SWT1: variants seen among roughly 807,000 people sequenced by gnomAD.
SWT1 encodes the protein transcriptional protein SWT1.
SWT1 carries 33 observed loss-of-function variants against 107.3 expected under a neutral mutation model. That is an observed-to-expected ratio of 0.31 (90% confidence interval 0.23 to 0.41). The LOEUF (loss-of-function observed/expected upper bound fraction) is 0.41. Among genes scored for constraint, SWT1 ranks in the 10% least tolerant of loss-of-function variants. The pLI is 1.00. For missense variants in SWT1, 898 were observed against 1,028.9 expected (o/e 0.87, Z 1.74); for synonymous variants, 345 against 348.3 (o/e 0.99, Z 0.11).
At chr1:185,248,471 G>C (rs774356528) in intron 16 of SWT1, among the ~76,000 whole-genome samples, 2 of 152,106 alleles carry the variant, frequency 1.3e-5, no homozygotes, top group African/African-American at 4.8e-5. Flanking sequence ...CAGAAATTTA[G>C]TATGTTAATT....
intron 15 of SWT1, among the ~76,000 whole-genome samples, chr1:185,229,693 C>T (rs1558058246): frequency 6.6e-6 from 1 of 151,808 alleles, no homozygotes; most frequent in Non-Finnish European, 1.5e-5. Flanking sequence ...AAGAAAGAAC[C>T]AGGTATGTTA....
chr1:185,256,813 A>G (rs368513499), intron 16 of SWT1, among the ~76,000 whole-genome samples: 8 of 151,920 alleles, frequency 5.3e-5, no homozygotes, highest in South Asian at 2.1e-4. Context: ...GCTTTGTTCC[A>G]TTGCTGGTGA....
At chr1:185,170,063 C>T (rs1654916280) in intron 4 of SWT1, among the ~76,000 whole-genome samples, 1 of 152,160 alleles carries the variant, frequency 6.6e-6, no homozygotes. Flanking sequence ...AAAGCCTCAG[C>T]ATGTTCAACT....
At chr1:185,246,090 C>T (rs796920513) in intron 16 of SWT1, among the ~76,000 whole-genome samples, 64 of 152,014 alleles carry the variant, frequency 4.2e-4, no homozygotes, top group African/African-American at 1.5e-3. Context: ...CTTATGGGAC[C>T]ACCATCATAT....
intron 5 of SWT1, among the ~76,000 whole-genome samples, chr1:185,178,553 G>A (rs909613491): frequency 6.6e-6 from 1 of 152,154 alleles, no homozygotes. Context: ...AAGGCATGGT[G>A]GGGGAGGCAA....
intron 13 of SWT1, among the ~76,000 whole-genome samples, chr1:185,209,814 T>C (rs1324966561): frequency 2.6e-5 from 4 of 152,190 alleles, no homozygotes; most frequent in Non-Finnish European, 5.9e-5. Flanking sequence ...TCTTCCACAA[T>C]GGTTGAACTA....
chr1:185,258,542 G>C (rs1055666891), intron 16 of SWT1, among the ~76,000 whole-genome samples: 1 of 151,848 alleles, frequency 6.6e-6, no homozygotes, highest in Non-Finnish European at 1.5e-5. Context: ...ATATACTGAC[G>C]TGTTTTTATT....
Position 185,291,722 on chromosome 1 carries a change from AT to A in SWT1, c.*920del, listed in dbSNP as rs1199390653. The A allele has an allele frequency of 1.3e-5, 2 of 152,598 alleles. No homozygotes were observed. The highest frequency in any genetic ancestry group is 2.4e-5 in the African/African-American group (1 of 41,442). 9.5% of individuals were successfully genotyped at this position (152,598 alleles called of 1,614,324 possible). Reference sequence around the variant, plus strand: ...TTTTTACTTCCAAATTGTTTCTGATATGTACATAAGGTATGATTATAAAAGT... The same window carrying A: ...TTTTTACTTCCAAATTGTTTCTGATAGTACATAAGGTATGATTATAAAAGT... On this transcript the variant is annotated 3_prime_UTR_variant, in exon 19 of 19. Coordinates refer to ENST00000367500, the MANE Select transcript of SWT1 (RefSeq NM_017673.7).
At chr1:185,239,237 T>C (rs183638198) in intron 16 of SWT1, among the ~76,000 whole-genome samples, 1 of 152,252 alleles carries the variant, frequency 6.6e-6, no homozygotes, top group Admixed American at 6.5e-5. Flanking sequence ...ACAGTTTCTT[T>C]CCTTGTTAAA....
intron 8 of SWT1, 119 bp downstream of exon 8, chr1:185,184,463 G>A: frequency 1.5e-6 from 1 of 676,236 alleles, no homozygotes; most frequent in East Asian, 2.8e-5. Flanking sequence ...TATATATTAA[G>A]CATATTCAGT....
chr1:185,229,381 T>C (rs1488517542), intron 15 of SWT1, among the ~76,000 whole-genome samples: 2 of 152,104 alleles, frequency 1.3e-5, no homozygotes, highest in Non-Finnish European at 2.9e-5. Flanking sequence ...CTATGACTGG[T>C]ATGGTTATTT....
chr1:185,257,189 T>C (rs554518689), intron 16 of SWT1, among the ~76,000 whole-genome samples: 242 of 152,270 alleles, frequency 1.6e-3, no homozygotes, highest in African/African-American at 5.6e-3. Flanking sequence ...TTCAAAGCTG[T>C]CAGACAGGGA....
chr1:185,159,976 G>A (rs1054348928), intron 1 of SWT1, among the ~76,000 whole-genome samples: 3 of 151,978 alleles, frequency 2.0e-5, no homozygotes, highest in Non-Finnish European at 2.9e-5. Context: ...CGCCTGTCTC[G>A]GCCTCCCAAA....
chr1:185,239,594 A>G (rs1300841561), intron 16 of SWT1, among the ~76,000 whole-genome samples: 1 of 152,092 alleles, frequency 6.6e-6, no homozygotes, highest in Non-Finnish European at 1.5e-5. Flanking sequence ...ATTCATTTAG[A>G]AATTGCTTCT....
At chr1:185,276,234 T>G (rs920256396) in intron 17 of SWT1, among the ~76,000 whole-genome samples, 1 of 152,158 alleles carries the variant, frequency 6.6e-6, no homozygotes, top group African/African-American at 2.4e-5. Flanking sequence ...CATGTAGACC[T>G]CAATAATCTG....
chr1:185,172,915 G>T (rs934854180), intron 4 of SWT1, among the ~76,000 whole-genome samples: 25 of 151,944 alleles, frequency 1.6e-4, no homozygotes, highest in African/African-American at 6.0e-4. Flanking sequence ...GTGGTGGTGT[G>T]TGCCTGTAGT....
chr1:185,174,705 CAAG>C lies in SWT1; in HGVS notation c.561_563del (p.Lys188del). ...TTCAGAGAGAGAAGATGAAAGAACT[CAAG>C]AAAGGAAGAAACAGTAAATTTAGAG... On this transcript the variant is annotated inframe_deletion, in exon 5 of 19. Transcript: ENST00000367500. 1 of 1,613,276 alleles carries C rather than the reference CAAG, an allele frequency of 6.2e-7. No individual in the cohort carries two copies. Among genetic ancestry groups the C allele is most frequent in the Non-Finnish European group, 8.5e-7 (1 of 1,179,838 alleles).
chr1:185,228,219 C>A (rs998402105), intron 15 of SWT1, among the ~76,000 whole-genome samples: 1 of 144,494 alleles, frequency 6.9e-6, no homozygotes, highest in African/African-American at 2.7e-5. Flanking sequence ...TGTTTTTCTT[C>A]AGCCTTAAGA....
At chr1:185,194,770 T>C (rs949255068) in intron 10 of SWT1, among the ~76,000 whole-genome samples, 6 of 152,300 alleles carry the variant, frequency 3.9e-5, no homozygotes, top group Admixed American at 1.3e-4. Context: ...TCTGTGAAAC[T>C]GCTTGATTTT....
Sources: gnomAD v4.1 joint callset for allele counts (sites outside exome capture counted in the v4.1 genomes callset) on GRCh38, gnomAD v4.1.1 for gene constraint, MANE v1.5 for transcripts, NCBI Gene and HGNC (gene_info 2026-07-23, HGNC 2026-07-21) for gene names.